The following NTM variants were observed in gnomAD, a reference collection of about 807,000 sequenced individuals.
NTM encodes the protein IgLON family member 2.
Under a neutral mutation model 42.1 loss-of-function variants are expected in NTM, and 13 were observed. The ratio of observed to expected loss-of-function variants is 0.31; its 90% CI spans 0.20 to 0.49. The LOEUF (loss-of-function observed/expected upper bound fraction) is 0.49. Among genes scored for constraint, NTM ranks in the 20% least tolerant of loss-of-function variants. The pLI is 0.99. For missense variants in NTM, 373 were observed against 452.8 expected (o/e 0.82, Z 1.60); for synonymous variants, 187 against 179.2 (o/e 1.04, Z -0.35).
At chr11:131,904,021 G>A (rs533607) in intron 1 of NTM, among the ~76,000 whole-genome samples, 20,682 of 152,036 alleles carry the variant, frequency 0.14, 1,615 homozygotes, top group South Asian at 0.29. Flanking sequence ...AAAATGATGG[G>A]CTGAGTTGAA....
chr11:131,632,673 C>CTTTTTTTTTTTTTTTTTT (rs529612626), intron 1 of NTM, among the ~76,000 whole-genome samples: 2 of 83,060 alleles, frequency 2.4e-5, no homozygotes, highest in Non-Finnish European at 4.2e-5. Context: ...GCTCGGGCAG[C>CTTTTTTTTTTTTTTTTTT]TTTTTTTTTT....
At chr11:131,428,718 C>T (rs2135892670) in intron 1 of NTM, among the ~76,000 whole-genome samples, 1 of 152,104 alleles carries the variant, frequency 6.6e-6, no homozygotes, top group Non-Finnish European at 1.5e-5. Context: ...AAAACCTGGC[C>T]TGATAATTGA....
chr11:131,407,493 T>C (rs1454202524), intron 1 of NTM, among the ~76,000 whole-genome samples: 1 of 152,050 alleles, frequency 6.6e-6, no homozygotes, highest in Non-Finnish European at 1.5e-5. Context: ...ATGCAGAACA[T>C]ATGTGGGAAA....
chr11:131,860,646 G>A (rs536108237), intron 1 of NTM, among the ~76,000 whole-genome samples: 146 of 152,286 alleles, frequency 9.6e-4, no homozygotes, highest in African/African-American at 3.2e-3. Flanking sequence ...ACGAACAGTG[G>A]AAACCTTCCT....
At chr11:131,401,305 C>T (rs562744896) in intron 1 of NTM, among the ~76,000 whole-genome samples, 1 of 152,096 alleles carries the variant, frequency 6.6e-6, no homozygotes, top group Non-Finnish European at 1.5e-5. Context: ...TGTCTTTTTT[C>T]ATGGTAGACT....
intron 1 of NTM, among the ~76,000 whole-genome samples, chr11:131,855,344 T>A (rs886782858): frequency 6.6e-6 from 1 of 152,146 alleles, no homozygotes; most frequent in Admixed American, 6.5e-5. Context: ...TTAATTTAAA[T>A]GAAAGTTTAC....
intron 3 of NTM, among the ~76,000 whole-genome samples, chr11:132,155,515 C>T (rs898641390): frequency 3.9e-5 from 6 of 152,232 alleles, no homozygotes; most frequent in Non-Finnish European, 8.8e-5. Context: ...CATCCCGTTT[C>T]TCCAGCCTCA....
intron 1 of NTM, among the ~76,000 whole-genome samples, chr11:131,741,162 TGAGAGAGAGAGAGAGAGAGAGAGA>T (rs71067330): frequency 7.7e-5 from 10 of 129,828 alleles, no homozygotes; most frequent in Middle Eastern, 3.8e-3. Context: ...AAGACCCCGT[TGAGAGAGAGAGAGAGAGAGAGAGA>T]GAGAGAGAGA....
At chr11:131,971,513 T>C (rs1490500207) in intron 2 of NTM, among the ~76,000 whole-genome samples, 1 of 152,182 alleles carries the variant, frequency 6.6e-6, no homozygotes, top group Non-Finnish European at 1.5e-5. Context: ...ATTGAAGATA[T>C]GTATCATTTT....
intron 2 of NTM, among the ~76,000 whole-genome samples, chr11:131,943,093 C>T (rs1425007723): frequency 6.6e-6 from 1 of 152,194 alleles, no homozygotes; most frequent in African/African-American, 2.4e-5. Flanking sequence ...GCATCTGCAG[C>T]AGCCTAGCAT....
chr11:131,491,734 G>A (rs1178960810), intron 1 of NTM, among the ~76,000 whole-genome samples: 1 of 152,130 alleles, frequency 6.6e-6, no homozygotes, highest in Non-Finnish European at 1.5e-5. Flanking sequence ...ATACCAGAGC[G>A]AGATAAGACA....
intron 2 of NTM, among the ~76,000 whole-genome samples, chr11:131,987,988 G>A (rs2066363451): frequency 6.6e-6 from 1 of 152,220 alleles, no homozygotes; most frequent in Admixed American, 6.5e-5. Flanking sequence ...TACCAGGCTG[G>A]GTGGCTGATA....
intron 1 of NTM, among the ~76,000 whole-genome samples, chr11:131,509,272 A>G (rs2047933754): frequency 6.6e-6 from 1 of 151,956 alleles, no homozygotes; most frequent in Non-Finnish European, 1.5e-5. Context: ...GGTTTCCCCA[A>G]AGACCACTTG....
intron 1 of NTM, among the ~76,000 whole-genome samples, chr11:131,830,581 G>C (rs1482126111): frequency 6.6e-6 from 1 of 151,984 alleles, no homozygotes; most frequent in African/African-American, 2.4e-5. Flanking sequence ...CCTGTAGTAT[G>C]GTTTGAAGTC....
chr11:131,709,924 A>T (rs533669435), intron 1 of NTM, among the ~76,000 whole-genome samples: 1 of 152,100 alleles, frequency 6.6e-6, no homozygotes, highest in Non-Finnish European at 1.5e-5. Context: ...AAAACAGGAG[A>T]GTGTGCTATC....
intron 1 of NTM, among the ~76,000 whole-genome samples, chr11:131,508,363 A>G (rs1256498710): frequency 3.3e-5 from 5 of 150,400 alleles, no homozygotes; most frequent in African/African-American, 7.4e-5. Context: ...TAGAATGGCA[A>G]TCATTAAAAA....
chr11:132,136,898 A>G (rs3934807), intron 2 of NTM, among the ~76,000 whole-genome samples: 31,961 of 151,986 alleles, frequency 0.21, 4,699 homozygotes, highest in African/African-American at 0.42. Flanking sequence ...AGTGACACAC[A>G]TGCTGGCTTC....
chr11:131,573,386 A>C (rs1203713252), intron 1 of NTM, among the ~76,000 whole-genome samples: 1 of 152,216 alleles, frequency 6.6e-6, no homozygotes, highest in Non-Finnish European at 1.5e-5. Context: ...TCACAGTAGA[A>C]AACCAACATA....
intron 1 of NTM, among the ~76,000 whole-genome samples, chr11:131,621,825 GAAAAAAAAA>G (rs34307645): frequency 9.5e-6 from 1 of 105,538 alleles, no homozygotes; most frequent in African/African-American, 3.5e-5. Context: ...TCAACTCAAA[GAAAAAAAAA>G]AAAAAAAAAG....
Sources: allele counts gnomAD v4.1 joint callset (sites outside exome capture counted in the v4.1 genomes callset), GRCh38; gene constraint gnomAD v4.1.1; transcripts MANE v1.5; gene names NCBI Gene and HGNC (gene_info 2026-07-23, HGNC 2026-07-21).